The following TENM3 variants were observed in gnomAD, a reference collection of about 807,000 sequenced individuals.
TENM3 encodes the protein teneurin transmembrane protein 3.
TENM3 carries 63 observed loss-of-function variants against 255.1 expected under a neutral mutation model. The observed-to-expected ratio is 0.25, with a 90% CI of 0.20 to 0.30. The LOEUF (loss-of-function observed/expected upper bound fraction) is 0.30. Among genes scored for constraint, TENM3 ranks in the 10% least tolerant of loss-of-function variants. The pLI, the probability that TENM3 is intolerant of heterozygous loss-of-function variation, is 1.00. For synonymous variants in TENM3, 1,306 were observed against 1,322.3 expected (o/e 0.99, Z 0.27); for missense variants, 2,929 against 3,461.1 (o/e 0.85, Z 3.86).
At chr4:182,009,615 G>C in the TENM3 span, among the ~76,000 whole-genome samples, 3 of 152,172 alleles carry the variant, frequency 2.0e-5, no homozygotes, top group African/African-American at 7.2e-5. Flanking sequence ...CTATAGAAAT[G>C]GGTGCTGCCC....
intron 12 of TENM3, among the ~76,000 whole-genome samples, chr4:182,703,737 A>G (rs1579169665): frequency 6.6e-6 from 1 of 152,232 alleles, no homozygotes. Context: ...TTTTCCAGTT[A>G]TGGTCAAGAA....
At chr4:181,499,373 T>C in the TENM3 span, among the ~76,000 whole-genome samples, 1 of 152,208 alleles carries the variant, frequency 6.6e-6, no homozygotes, top group Non-Finnish European at 1.5e-5. Flanking sequence ...TTTCAGTCAA[T>C]GATAGCATCC....
At chr4:181,801,145 A>G in the TENM3 span, among the ~76,000 whole-genome samples, 2 of 152,116 alleles carry the variant, frequency 1.3e-5, no homozygotes, top group Admixed American at 1.3e-4. Context: ...GCAAGCAGGC[A>G]TTAGGCACTA....
chr4:182,087,691 C>G, the TENM3 span, among the ~76,000 whole-genome samples: 1 of 151,620 alleles, frequency 6.6e-6, no homozygotes, highest in Non-Finnish European at 1.5e-5. Flanking sequence ...GAATCGCTCT[C>G]CATTCGGGGA....
At chr4:182,534,483 A>T (rs1740091669) in intron 3 of TENM3, among the ~76,000 whole-genome samples, 1 of 152,170 alleles carries the variant, frequency 6.6e-6, no homozygotes, top group South Asian at 2.1e-4. Context: ...CCATGGTTTA[A>T]ATTTGCTGAG....
chr4:182,781,628 G>C (rs1284094892), intron 24 of TENM3, among the ~76,000 whole-genome samples: 1 of 151,230 alleles, frequency 6.6e-6, no homozygotes, highest in Non-Finnish European at 1.5e-5. Flanking sequence ...CAGAAGGAAT[G>C]GTACCAGTTC....
Position 182,775,046 on chromosome 4 carries a change from A to C in TENM3, c.5197A>C (p.Lys1733Gln). 1 of 1,614,032 alleles carries C rather than the reference A, an allele frequency of 6.2e-7. No homozygotes were observed. The highest frequency in any genetic ancestry group is 8.5e-7 in the Non-Finnish European group (1 of 1,179,906). The change falls in exon 24 of 28, where the codon AAA (lysine) becomes CAA (glutamine). Residue 1733 changes from lysine (K) to glutamine (Q), a missense_variant. Lys to Gln is a moderately conservative substitution (Grantham distance 53). Transcript: ENST00000511685. Reference sequence around the variant, plus strand: ...TGGCACCGCTAATCCGACGGTTGCCAAAAGAAACATGACTTTGCCTGGCGA... The same window carrying C: ...TGGCACCGCTAATCCGACGGTTGCCCAAAGAAACATGACTTTGCCTGGCGA... Reference protein sequence around the residue: ...LAGTANPTVAKRNMTLPGENG... With the variant: ...LAGTANPTVAQRNMTLPGENG...
the TENM3 span, among the ~76,000 whole-genome samples, chr4:181,762,368 T>C: frequency 2.6e-5 from 4 of 152,206 alleles, no homozygotes; most frequent in African/African-American, 9.6e-5. Context: ...TGTGTATTCA[T>C]TTCCATTCCA....
At chr4:182,404,920 G>T (rs575720607) in intron 3 of TENM3, among the ~76,000 whole-genome samples, 4 of 152,250 alleles carry the variant, frequency 2.6e-5, no homozygotes, top group African/African-American at 7.2e-5. Context: ...CTCCATCATC[G>T]CCGGTCACAG....
intron 3 of TENM3, among the ~76,000 whole-genome samples, chr4:182,509,308 A>T (rs187433016): frequency 1.2e-4 from 18 of 152,262 alleles, no homozygotes. Flanking sequence ...ACTTCTAGGT[A>T]TAGATTCTTG....
At chr4:182,744,508 G>A (rs1397769927) in intron 19 of TENM3, among the ~76,000 whole-genome samples, 1 of 152,160 alleles carries the variant, frequency 6.6e-6, no homozygotes, top group African/African-American at 2.4e-5. Flanking sequence ...CTGAAGCACA[G>A]TAAGGAGGTT....
chr4:182,320,940 T>A (rs960235683), intron 1 of TENM3, among the ~76,000 whole-genome samples: 7 of 152,188 alleles, frequency 4.6e-5, no homozygotes, highest in Non-Finnish European at 8.8e-5. Flanking sequence ...AGTTTTAAAG[T>A]ACCAAAATGC....
At chr4:181,759,021 T>A in the TENM3 span, among the ~76,000 whole-genome samples, 1 of 152,160 alleles carries the variant, frequency 6.6e-6, no homozygotes, top group East Asian at 1.9e-4. Context: ...TGACATAAAA[T>A]CTTCTACCAG....
intron 1 of TENM3, among the ~76,000 whole-genome samples, chr4:182,187,918 A>G (rs1470456065): frequency 1.3e-5 from 2 of 152,142 alleles, no homozygotes; most frequent in African/African-American, 2.4e-5. Context: ...AGAAAATTAA[A>G]CAGTATTTTT....
chr4:182,220,378 C>CAAAAAAAAAAAA lies in TENM3; in HGVS notation c.-76+75637_-76+75648dup, dbSNP rs60851113. 6.5e-5 allele frequency among the ~76,000 whole-genome samples: 5 copies of CAAAAAAAAAAAA among 77,500 alleles called. No homozygotes were observed. The East Asian group carries it at 2.5e-3, about 39-fold the overall frequency. The allele number at this position is 77,500 out of a possible 152,430, so 50.8% of individuals were successfully genotyped here. A position where few individuals can be genotyped will look rare whatever the true frequency, so the allele number is the denominator to read the frequency against. ...GGCGACAGAGTGAGACTCTGTCTCACAAAAAAAAAAAAAAAAAAAAAAAAG... is the reference window on the plus strand; with the variant it reads ...GGCGACAGAGTGAGACTCTGTCTCACAAAAAAAAAAAAAAAAAAAAAAAAAAAAAAAAAAAAG... On this transcript the variant is annotated intron_variant, in intron 1 of 2. Transcript: ENST00000512480.
At chr4:182,208,467 A>T (rs551128325) in intron 1 of TENM3, among the ~76,000 whole-genome samples, 64 of 152,352 alleles carry the variant, frequency 4.2e-4, no homozygotes, top group African/African-American at 1.5e-3. Context: ...ATAGTGTGAA[A>T]GTATTCCACA....
chr4:182,110,848 C>A, the TENM3 span, among the ~76,000 whole-genome samples: 1 of 152,090 alleles, frequency 6.6e-6, no homozygotes, highest in Non-Finnish European at 1.5e-5. Context: ...CTAGCCTGAA[C>A]CTGAGGAACA....
At chr4:181,744,148 A>G in the TENM3 span, among the ~76,000 whole-genome samples, 1 of 152,324 alleles carries the variant, frequency 6.6e-6, no homozygotes, top group East Asian at 1.9e-4. Flanking sequence ...TGCAAAGGAC[A>G]TGATCTTGTT....
the TENM3 span, among the ~76,000 whole-genome samples, chr4:181,649,549 T>C: frequency 6.6e-6 from 1 of 152,196 alleles, no homozygotes; most frequent in East Asian, 1.9e-4. Flanking sequence ...GAAAAAATCC[T>C]TCAGGAACTG....
Sources: gnomAD v4.1 joint callset for allele counts (sites outside exome capture counted in the v4.1 genomes callset) on GRCh38, gnomAD v4.1.1 for gene constraint, MANE v1.5 for transcripts, NCBI Gene and HGNC (gene_info 2026-07-23, HGNC 2026-07-21) for gene names.